The following CADPS variants were observed in gnomAD, a reference collection of about 807,000 sequenced individuals.
The protein encoded by CADPS is calcium dependent secretion activator.
CADPS carries 57 observed loss-of-function variants against 167.3 expected under a neutral mutation model. That is an observed-to-expected ratio of 0.34 (90% CI 0.28 to 0.42). The LOEUF is 0.42. CADPS is among the 20% of genes least tolerant of loss of function. CADPS has a pLI of 1.00. For synonymous variants in CADPS, 676 were observed against 635.3 expected, an observed-to-expected ratio of 1.06 and a Z score of -0.96; for missense variants, 1,414 against 1,738.1, an observed-to-expected ratio of 0.81 and a Z score of 3.32.
chr3:62,788,045 C>T (rs1445447188), intron 1 of CADPS, among the ~76,000 whole-genome samples: 1 of 152,102 alleles, frequency 6.6e-6, no homozygotes, highest in Non-Finnish European at 1.5e-5. Flanking sequence ...TAAAAAATGT[C>T]ATACTTATTT....
At chr3:62,686,913 T>A (rs1271809830) in intron 3 of CADPS, among the ~76,000 whole-genome samples, 2 of 152,126 alleles carry the variant, frequency 1.3e-5, no homozygotes, top group African/African-American at 2.4e-5. Context: ...CATTATTACA[T>A]GTATCCTTTG....
chr3:62,856,296 T>A (rs2079667110), intron 1 of CADPS, among the ~76,000 whole-genome samples: 1 of 152,138 alleles, frequency 6.6e-6, no homozygotes. Flanking sequence ...AATAAATGTA[T>A]AGGCCATGTA....
At chr3:62,726,785 A>G (rs1161205027) in intron 3 of CADPS, among the ~76,000 whole-genome samples, 1 of 151,918 alleles carries the variant, frequency 6.6e-6, no homozygotes, top group Non-Finnish European at 1.5e-5. Flanking sequence ...TCAGACAAAA[A>G]TTCTTCTTTC....
chr3:62,451,055 C>A (rs894192513), intron 26 of CADPS, among the ~76,000 whole-genome samples: 2 of 151,764 alleles, frequency 1.3e-5, no homozygotes, highest in African/African-American at 4.8e-5. Flanking sequence ...TTCTTGTAAC[C>A]TTAAATGGCT....
intron 10 of CADPS, among the ~76,000 whole-genome samples, chr3:62,551,212 C>A (rs929716909): frequency 6.6e-6 from 1 of 152,192 alleles, no homozygotes; most frequent in Non-Finnish European, 1.5e-5. Flanking sequence ...ACAATGAACT[C>A]CTGGTCTTTC....
intron 1 of CADPS, among the ~76,000 whole-genome samples, chr3:62,769,787 T>G (rs942413549): frequency 2.0e-5 from 3 of 151,992 alleles, no homozygotes; most frequent in Admixed American, 6.6e-5. Context: ...AGGCTTGGGG[T>G]CCAAGAGACA....
intron 1 of CADPS, among the ~76,000 whole-genome samples, chr3:62,855,991 G>T (rs2079607114): frequency 6.6e-6 from 1 of 151,942 alleles, no homozygotes; most frequent in Admixed American, 6.6e-5. Flanking sequence ...TATAAACAAA[G>T]ACTATTCTTT....
At chr3:62,620,845 C>T (rs546840823) in intron 6 of CADPS, among the ~76,000 whole-genome samples, 24 of 152,272 alleles carry the variant, frequency 1.6e-4, no homozygotes, top group African/African-American at 5.8e-4. Flanking sequence ...GGAAGGGATT[C>T]CTCACTTCAA....
chr3:62,696,607 TG>T (rs2080324820), intron 3 of CADPS, among the ~76,000 whole-genome samples: 1 of 152,118 alleles, frequency 6.6e-6, no homozygotes, highest in South Asian at 2.1e-4. Flanking sequence ...CTCTAGGGGA[TG>T]GGGGCTGCTG....
intron 1 of CADPS, among the ~76,000 whole-genome samples, chr3:62,828,741 A>G (rs2074522831): frequency 6.7e-6 from 1 of 148,526 alleles, no homozygotes; most frequent in Admixed American, 6.6e-5. Flanking sequence ...TAAAAAAATT[A>G]TCTTCGACTT....
intron 2 of CADPS, among the ~76,000 whole-genome samples, chr3:62,755,981 G>C (rs1223590372): frequency 6.6e-6 from 1 of 152,052 alleles, no homozygotes. Flanking sequence ...TCTCAGGCCA[G>C]GTCTGCCTCT....
intron 12 of CADPS, among the ~76,000 whole-genome samples, chr3:62,535,851 C>G (rs971987424): frequency 6.6e-6 from 1 of 151,738 alleles, no homozygotes; most frequent in Non-Finnish European, 1.5e-5. Flanking sequence ...TATTGATACT[C>G]CTGCTGGATA....
intron 13 of CADPS, 38 bp downstream of exon 13, chr3:62,532,833 C>A (rs374649101): frequency 2.5e-6 from 4 of 1,593,662 alleles, no homozygotes; most frequent in Non-Finnish European, 3.4e-6. Context: ...AGTGCCATTT[C>A]TTAAGGATCA....
intron 1 of CADPS, among the ~76,000 whole-genome samples, chr3:62,873,914 G>C (rs2083133039): frequency 6.6e-6 from 1 of 152,168 alleles, no homozygotes; most frequent in Admixed American, 6.5e-5. Flanking sequence ...GGGGACTGGT[G>C]AGAACTCCAG....
In CADPS at chr3:62,849,541, G is replaced by A. The variant is rs978318425; in HGVS notation, c.441+25048C>T. Among the ~76,000 whole-genome samples the A allele has an allele frequency of 1.8e-4, 22 of 123,566 alleles. 2 individuals are homozygous for A. In the South Asian group the frequency reaches 4.5e-3, roughly 25 times the overall value. The allele number at this position is 123,566 out of a possible 152,430, so 81.1% of individuals were successfully genotyped here. On this transcript the variant is annotated intron_variant, in intron 1 of 29. Coordinates refer to ENST00000383710, the MANE Select transcript of CADPS (RefSeq NM_003716.4). ...CTGCATCTATTGAGATAATCATGTG[G>A]TTTTTGTCTTTGGCTGTGTTTATAT... is the stretch of plus-strand genomic sequence containing the variant.
At chr3:62,434,075 C>T (rs2149677473) in intron 28 of CADPS, among the ~76,000 whole-genome samples, 1 of 152,236 alleles carries the variant, frequency 6.6e-6, no homozygotes, top group South Asian at 2.1e-4. Flanking sequence ...GGCTAAGCTT[C>T]CACTTGAGTC....
chr3:62,624,243 T>C (rs2063637702), intron 6 of CADPS, among the ~76,000 whole-genome samples: 1 of 152,084 alleles, frequency 6.6e-6, no homozygotes, highest in African/African-American at 2.4e-5. Flanking sequence ...CTTGAAGGAA[T>C]GATGGGGTTG....
At chr3:62,450,548 C>T (rs1269894847) in intron 26 of CADPS, among the ~76,000 whole-genome samples, 1 of 152,176 alleles carries the variant, frequency 6.6e-6, no homozygotes, top group African/African-American at 2.4e-5. Context: ...GCTTTCTGAC[C>T]ATCCCCTCTG....
intron 3 of CADPS, among the ~76,000 whole-genome samples, chr3:62,677,245 C>A (rs2076471411): frequency 1.3e-5 from 2 of 152,162 alleles, no homozygotes; most frequent in African/African-American, 2.4e-5. Context: ...CTCCCCCAAC[C>A]AGTCTCTTCA....
Sources: allele counts gnomAD v4.1 joint callset (sites outside exome capture counted in the v4.1 genomes callset), GRCh38; gene constraint gnomAD v4.1.1; transcripts MANE v1.5; gene names NCBI Gene and HGNC (gene_info 2026-07-23, HGNC 2026-07-21).